The following BCL10 variants were observed in gnomAD, a reference collection of about 807,000 sequenced individuals.
The protein encoded by BCL10 is B-cell lymphoma/leukemia 10.
A neutral mutation model predicts 19.2 loss-of-function variants in BCL10; 5 were observed. That is an observed-to-expected ratio of 0.26 (90% CI 0.14 to 0.55). The LOEUF is 0.55. Among genes scored for constraint, BCL10 ranks in the 20% least tolerant of loss-of-function variants. The pLI, the probability that BCL10 is intolerant of heterozygous loss-of-function variation, is 0.94. For missense variants in BCL10, 201 were observed against 271.9 expected (o/e 0.74, Z 1.83); for synonymous variants, 110 against 98.8 (o/e 1.11, Z -0.67).
At chr1:85,269,478 T>A (rs775358952) in intron 2 of BCL10, among the ~76,000 whole-genome samples, 56 of 152,326 alleles carry the variant, frequency 3.7e-4, no homozygotes, top group Non-Finnish European at 5.6e-4. Context: ...CACTTACATG[T>A]CACTTCTTCC....
At chr1:85,273,403 A>G (rs1490645748) in intron 1 of BCL10, among the ~76,000 whole-genome samples, 5 of 152,182 alleles carry the variant, frequency 3.3e-5, no homozygotes, top group African/African-American at 1.2e-4. Context: ...ACAACTTTTC[A>G]ATCATTTTCT....
chr1:85,276,495 G>C lies in BCL10; in HGVS notation c.-143C>G. 1.2e-6 allele frequency: 1 copy of C among 851,332 alleles called. No individual in the cohort carries two copies. The highest frequency in any genetic ancestry group is 1.9e-6 in the Non-Finnish European group (1 of 539,870). The allele number at this position is 851,332 out of a possible 1,614,324, so 52.7% of individuals were successfully genotyped here. A position where few individuals can be genotyped will look rare whatever the true frequency, so the allele number is the denominator to read the frequency against. On this transcript the variant is annotated 5_prime_UTR_variant, in exon 1 of 3. Coordinates refer to ENST00000648566, the MANE Select transcript of BCL10 (RefSeq NM_003921.5). ...TCGGGAGAAAGACGGCCGCCCCTTC[G>C]GGAACAGAGGGACTCGGGGGTCAAA...
At chr1:85,270,324 G>A (rs1660335432) in intron 2 of BCL10, among the ~76,000 whole-genome samples, 1 of 152,242 alleles carries the variant, frequency 6.6e-6, no homozygotes, top group Admixed American at 6.5e-5. Flanking sequence ...CCAGACTGGA[G>A]TGCAGTAGCA....
chr1:85,268,560 G>T (rs181296542), intron 2 of BCL10, among the ~76,000 whole-genome samples: 183 of 152,256 alleles, frequency 1.2e-3, no homozygotes, highest in African/African-American at 4.3e-3. Context: ...ATGAGGTCAG[G>T]AGTTTGAGAT....
chr1:85,268,067 A>C, intron 2 of BCL10, 85 bp from the exon 3 acceptor site: 1 of 856,934 alleles, frequency 1.2e-6, no homozygotes, highest in South Asian at 2.0e-5. Flanking sequence ...TAAAGATTAC[A>C]AGCTAGTTAC....
intron 1 of BCL10, 112 bp downstream of exon 1, chr1:85,276,184 G>A (rs1041034222): frequency 7.3e-7 from 1 of 1,377,984 alleles, no homozygotes; most frequent in Non-Finnish European, 1.0e-6. Context: ...AGGACTTTCC[G>A]CTCCTCCGAC....
At chr1:85,272,596 G>A (rs1047340273) in intron 1 of BCL10, among the ~76,000 whole-genome samples, 1 of 151,982 alleles carries the variant, frequency 6.6e-6, no homozygotes, top group African/African-American at 2.4e-5. Context: ...ACAATGTTCT[G>A]CCCTGTCTTA....
chr1:85,273,823 A>G (rs576277885), intron 1 of BCL10, among the ~76,000 whole-genome samples: 7 of 152,330 alleles, frequency 4.6e-5, no homozygotes, highest in Non-Finnish European at 1.0e-4. Context: ...TCCTCAGTCC[A>G]TGAAACAGGC....
Position 85,267,936 on chromosome 1 carries a change from G to C in BCL10, c.393C>G (p.Asn131Lys). 1 of 1,603,628 alleles carries C rather than the reference G, an allele frequency of 6.2e-7. No homozygotes were observed. Among genetic ancestry groups the C allele is most frequent in the Non-Finnish European group, 8.5e-7 (1 of 1,174,188 alleles). ...SCEPFPDGAT[N>K]NLSRSNSDES... ...CATCTGAATTTGATCTGGAGAGGTT[G>C]TTCGTGGCTCCATCTGGAAAAGGTT... The change falls in exon 3 of 3, where the codon AAC becomes AAG. Residue 131 changes from asparagine to lysine, a missense_variant. Around this residue, in one of 3 missense-constraint regions of BCL10, gnomAD observed 126 missense variants for 136.6 expected, o/e 0.92. Transcript: ENST00000648566.
rs139473915 is a variant in BCL10 at position 85,267,840 on chromosome 1, C to A, written c.489G>T (p.Thr163=). Reference sequence around the variant, plus strand: ...GAGAAGAATTAGTAGAAAAAAAGGGCGTCGTGCTGGATTCTCCTTCTGGAT... The same window carrying A: ...GAGAAGAATTAGTAGAAAAAAAGGGAGTCGTGCTGGATTCTCCTTCTGGAT... ...MYHPEGESST[T]PFFSTNSSLN... is the part of the protein sequence containing the mutation. The change falls in exon 3 of 3, where the codon ACG becomes ACT. Residue 163 remains threonine (T), a synonymous_variant. Coordinates refer to ENST00000648566, the MANE Select transcript of BCL10 (RefSeq NM_003921.5). 5.0e-6 allele frequency: 8 copies of A among 1,614,068 alleles called. No individual in the cohort carries two copies. Among genetic ancestry groups the A allele is most frequent in the Non-Finnish European group, 6.8e-6 (8 of 1,180,044 alleles).
rs999077053 is a variant in BCL10 at position 85,266,467 on chromosome 1, G to A, written c.*1160C>T. On this transcript the variant is annotated 3_prime_UTR_variant, in exon 3 of 3. Transcript: ENST00000648566. Reference sequence around the variant, plus strand: ...GGCTAATGGCCCACTTGTTCAAATAGCATTAAAAACAGAATTGTCACACAC... The same window carrying A: ...GGCTAATGGCCCACTTGTTCAAATAACATTAAAAACAGAATTGTCACACAC... 2.6e-5 allele frequency: 5 copies of A among 190,696 alleles called. No individual in the cohort carries two copies. The highest frequency in any genetic ancestry group is 1.2e-4 in the African/African-American group (5 of 42,898). 11.8% of individuals were successfully genotyped at this position (190,696 alleles called of 1,614,324 possible). A position where few individuals can be genotyped will look rare whatever the true frequency, so the allele number is the denominator to read the frequency against.
At position 85,273,636 on chromosome 1, in the gene BCL10, C is replaced by T. The variant is rs548591218; in HGVS notation, c.57+2660G>A. Reference sequence around the variant, plus strand: ...TGTACTAATCTAATTACATCCTCTTCCTCAACTCCCATGTTCAATCCATCA... The same window carrying T: ...TGTACTAATCTAATTACATCCTCTTTCTCAACTCCCATGTTCAATCCATCA... On this transcript the variant is annotated intron_variant, in intron 1 of 2. Coordinates refer to ENST00000648566, the MANE Select transcript of BCL10 (RefSeq NM_003921.5). Among the ~76,000 whole-genome samples, 3 of 152,306 alleles carry T rather than the reference C, an allele frequency of 2.0e-5. No individual in the cohort carries two copies. In the East Asian group the frequency reaches 5.8e-4, roughly 29 times the overall value.
chr1:85,268,490 C>T (rs1202835032), intron 2 of BCL10, among the ~76,000 whole-genome samples: 2 of 152,146 alleles, frequency 1.3e-5, no homozygotes, highest in East Asian at 1.9e-4. Context: ...GAAAAAAGGG[C>T]GGGGCATGGT....
At chr1:85,269,480 A>T (rs866827846) in intron 2 of BCL10, among the ~76,000 whole-genome samples, 24 of 152,194 alleles carry the variant, frequency 1.6e-4, no homozygotes, top group African/African-American at 5.8e-4. Context: ...CTTACATGTC[A>T]CTTCTTCCAC....
In BCL10 at chr1:85,267,278, C is replaced by T; in HGVS notation, c.*349G>A. ...CTATTAGACTCTTGAAAATTTCTAGCACAAATGCACTGAGGAAAAAACGTT... is the reference window on the plus strand; with the variant it reads ...CTATTAGACTCTTGAAAATTTCTAGTACAAATGCACTGAGGAAAAAACGTT... On this transcript the variant is annotated 3_prime_UTR_variant, in exon 3 of 3. Transcript: ENST00000648566. 1 of 233,982 alleles carries T rather than the reference C, an allele frequency of 4.3e-6. No individual in the cohort carries two copies. Among genetic ancestry groups the T allele is most frequent in the East Asian group, 6.6e-5 (1 of 15,102 alleles). 14.5% of individuals were successfully genotyped at this position (233,982 alleles called of 1,614,324 possible).
rs1570342002 is a variant in BCL10, at chr1:85,276,623, G to A, written c.-271C>T. 6 of 553,386 alleles carry A rather than the reference G, an allele frequency of 1.1e-5. No individual in the cohort carries two copies. Among genetic ancestry groups the A allele is most frequent in the Non-Finnish European group, 1.6e-5 (5 of 308,996 alleles). 34.3% of individuals were successfully genotyped at this position (553,386 alleles called of 1,614,324 possible). On this transcript the variant is annotated 5_prime_UTR_variant, in exon 1 of 3. Transcript: ENST00000648566. The stretch of plus-strand genomic sequence containing the variant: ...GTTCCTTCCCTCTCGTAGAGGCTCA[G>A]GCGCAGGCACCGCCCCACGGCGAGG...
At position 85,267,833 on chromosome 1, in the gene BCL10, A is replaced by C. The variant is rs1405711893; in HGVS notation, c.496T>G (p.Phe166Val). ...PEGESSTTPF[F>V]STNSSLNLPV... ...AAATTCAGAGAAGAATTAGTAGAAA[A>C]AAAGGGCGTCGTGCTGGATTCTCCT... Residue 166 changes from phenylalanine to valine, a missense_variant, in exon 3 of 3, where the codon TTT becomes GTT. Transcript: ENST00000648566. 1 of 1,614,118 alleles carries C rather than the reference A, an allele frequency of 6.2e-7. No individual in the cohort carries two copies. The highest frequency in any genetic ancestry group is 2.2e-5 in the East Asian group (1 of 44,894).
chr1:85,268,086 C>A, intron 2 of BCL10, 104 bp from the exon 3 acceptor site: 1 of 712,248 alleles, frequency 1.4e-6, no homozygotes, highest in Non-Finnish European at 2.2e-6. Flanking sequence ...ACCCCACAAT[C>A]AAAATTTAAA....
chr1:85,270,823 G>C lies in BCL10; in HGVS notation c.141C>G (p.Leu47=), dbSNP rs545282295. 1 of 1,613,690 alleles carries C rather than the reference G, an allele frequency of 6.2e-7. No individual in the cohort carries two copies. The highest frequency in any genetic ancestry group is 8.5e-7 in the Non-Finnish European group (1 of 1,179,922). Residue 47 remains leucine (L), a synonymous_variant, in exon 2 of 3, where the codon CTC becomes CTG. Coordinates refer to ENST00000648566, the MANE Select transcript of BCL10 (RefSeq NM_003921.5). ...HFDHLRAKKI[L]SREDTEEISC... is the part of the protein sequence containing the mutation. ...AAATTTCTTCAGTGTCTTCTCTACTGAGTATTTTTTTTGCACGTAGATGAT... is the reference window on the plus strand; with the variant it reads ...AAATTTCTTCAGTGTCTTCTCTACTCAGTATTTTTTTTGCACGTAGATGAT...
Sources: allele counts gnomAD v4.1 joint callset (sites outside exome capture counted in the v4.1 genomes callset), GRCh38; gene constraint gnomAD v4.1.1; regional missense constraint gnomAD v4.1.1; transcripts MANE v1.5; gene names NCBI Gene and HGNC (gene_info 2026-07-23, HGNC 2026-07-21).